The following CA8 variants were observed in gnomAD, a reference collection of about 807,000 sequenced individuals.
CA8 encodes carbonic anhydrase 8 (inactive).
In CA8, 22 loss-of-function variants were observed where a neutral mutation model predicts 41.4. The ratio of observed to expected loss-of-function variants is 0.53; its 90% CI spans 0.38 to 0.76. The LOEUF is 0.76. Among genes scored for constraint, CA8 ranks in the 30% least tolerant of loss-of-function variants. The pLI, the probability that CA8 is intolerant of heterozygous loss-of-function variation, is 0.00. For synonymous variants in CA8, 121 were observed against 130.6 expected, an observed-to-expected ratio of 0.93 and a Z score of 0.50; for missense variants, 270 against 352.8, an observed-to-expected ratio of 0.77 and a Z score of 1.88.
At position 60,189,141 on chromosome 8, in the gene CA8, C is replaced by T. The variant is rs1230244150; in HGVS notation, c.*880G>A. 3.3e-5 allele frequency: 5 copies of T among 152,074 alleles called. No homozygotes were observed. The highest frequency in any genetic ancestry group is 2.9e-5 in the Non-Finnish European group (2 of 68,002). 9.4% of individuals were successfully genotyped at this position (152,074 alleles called of 1,614,324 possible). On this transcript the variant is annotated 3_prime_UTR_variant, in exon 9 of 9. Transcript: ENST00000317995. ...GGTCATCTTTAAAGAAATGTCTTAA[C>T]ATACCAAAGTAGTGGAATCAATAGA...
rs749446493 is a variant in CA8 at position 60,208,907 on chromosome 8, G to A, written c.751C>T (p.Arg251Ter). Reference protein sequence around the residue: ...TISQLQIEEFRRLRTHVKGAE... With the variant: ...TISQLQIEEF ...CCCTTAACATGTGTCCTCAGCCTTC[G>A]AAATTCTTCTATCTGAAAATAAAAG... Residue 251 changes from arginine (R) to a stop codon, truncating the protein, a stop_gained, in exon 8 of 9, where the codon CGA becomes TGA. Transcript: ENST00000317995. LOFTEE classifies it high-confidence loss of function. 4 of 1,614,042 alleles carry A rather than the reference G, an allele frequency of 2.5e-6. No individual in the cohort carries two copies. Among genetic ancestry groups the A allele is most frequent in the Non-Finnish European group, 3.4e-6 (4 of 1,179,962 alleles).
chr8:60,231,255 A>G (rs544217259), intron 4 of CA8, among the ~76,000 whole-genome samples: 2 of 152,326 alleles, frequency 1.3e-5, no homozygotes, highest in African/African-American at 4.8e-5. Flanking sequence ...CATGAAATAA[A>G]TAGTAAGAGG....
intron 1 of CA8, among the ~76,000 whole-genome samples, chr8:60,280,240 C>G (rs1198319667): frequency 6.6e-6 from 1 of 152,184 alleles, no homozygotes; most frequent in Non-Finnish European, 1.5e-5. Context: ...ACCTGGGAAA[C>G]AGCTGTAACT....
chr8:60,279,072 A>G (rs1011745143), intron 2 of CA8, among the ~76,000 whole-genome samples: 5 of 152,144 alleles, frequency 3.3e-5, no homozygotes, highest in Non-Finnish European at 5.9e-5. Context: ...GATCCATCTC[A>G]AATAGGTTTG....
chr8:60,238,225 T>C (rs1392115635), intron 3 of CA8, among the ~76,000 whole-genome samples: 5 of 152,202 alleles, frequency 3.3e-5, no homozygotes, highest in Admixed American at 2.6e-4. Flanking sequence ...GAAGACTTCA[T>C]GGCAGCTTAA....
At chr8:60,200,755 T>A (rs989746251) in intron 8 of CA8, among the ~76,000 whole-genome samples, 1 of 152,154 alleles carries the variant, frequency 6.6e-6, no homozygotes, top group Non-Finnish European at 1.5e-5. Context: ...TCCCCATCAA[T>A]TCCATCACTC....
At chr8:60,193,915 C>T (rs753258538) in intron 8 of CA8, among the ~76,000 whole-genome samples, 1 of 152,152 alleles carries the variant, frequency 6.6e-6, no homozygotes, top group Non-Finnish European at 1.5e-5. Flanking sequence ...TAGCTTATTA[C>T]GTGGACGATA....
In CA8 at chr8:60,235,443, A is replaced by G. The variant is rs150657769; in HGVS notation, c.418-3064T>C. Among the ~76,000 whole-genome samples, 126 of 152,292 alleles carry G rather than the reference A, an allele frequency of 8.3e-4. 1 individual carries two copies. The highest frequency in any genetic ancestry group is 2.7e-3 in the African/African-American group (113 of 41,548). Reference sequence around the variant, plus strand: ...TGATGTGCTAGGAATTGGCACTTCAACATGAATTTGGCAGGGACACAATTC... The same window carrying G: ...TGATGTGCTAGGAATTGGCACTTCAGCATGAATTTGGCAGGGACACAATTC... On this transcript the variant is annotated intron_variant, in intron 3 of 8. Transcript: ENST00000317995.
chr8:60,232,243 A>G (rs776381649), intron 4 of CA8, 41 bp downstream of exon 4: 2 of 1,410,810 alleles, frequency 1.4e-6, no homozygotes, highest in Non-Finnish European at 2.0e-6. Flanking sequence ...TTTAGAAATT[A>G]GCATCTCTAA....
intron 5 of CA8, among the ~76,000 whole-genome samples, chr8:60,226,114 T>C (rs1440489065): frequency 6.6e-6 from 1 of 152,194 alleles, no homozygotes; most frequent in African/African-American, 2.4e-5. Context: ...TTAACATAAA[T>C]ACTTTGAAAT....
intron 7 of CA8, among the ~76,000 whole-genome samples, chr8:60,217,072 CAG>C: frequency 6.6e-6 from 1 of 152,142 alleles, no homozygotes; most frequent in East Asian, 1.9e-4. Context: ...TTAGTAGAGA[CAG>C]GGTTTCACCG....
chr8:60,247,617 G>A (rs1808294274), intron 3 of CA8, among the ~76,000 whole-genome samples: 1 of 152,142 alleles, frequency 6.6e-6, no homozygotes, highest in African/African-American at 2.4e-5. Context: ...AGTGTTCCAT[G>A]GTATATATGT....
At position 60,189,667 on chromosome 8, in the gene CA8, C is replaced by T. The variant is rs1275228936; in HGVS notation, c.*354G>A. 6.6e-6 allele frequency: 1 copy of T among 152,426 alleles called. No homozygotes were observed. Among genetic ancestry groups the T allele is most frequent in the Non-Finnish European group, 1.5e-5 (1 of 67,994 alleles). 9.4% of individuals were successfully genotyped at this position (152,426 alleles called of 1,614,324 possible). A position where few individuals can be genotyped will look rare whatever the true frequency, so the allele number is the denominator to read the frequency against. Reference sequence around the variant, plus strand: ...CACCGGGAATGTATTTTTCCTTTCTCAATATTAACACATGATATATATTCA... The same window carrying T: ...CACCGGGAATGTATTTTTCCTTTCTTAATATTAACACATGATATATATTCA... On this transcript the variant is annotated 3_prime_UTR_variant, in exon 9 of 9. Coordinates refer to ENST00000317995, the MANE Select transcript of CA8 (RefSeq NM_004056.6).
intron 6 of CA8, among the ~76,000 whole-genome samples, chr8:60,223,804 A>G (rs977646640): frequency 6.6e-5 from 10 of 152,238 alleles, no homozygotes; most frequent in African/African-American, 1.9e-4. Flanking sequence ...TAGAAGATAC[A>G]ATGCATCAAC....
intron 4 of CA8, among the ~76,000 whole-genome samples, chr8:60,230,555 C>A (rs1356371453): frequency 6.6e-6 from 1 of 151,982 alleles, no homozygotes; most frequent in Non-Finnish European, 1.5e-5. Context: ...ACCCGACCCC[C>A]CCGATGGATT....
chr8:60,240,852 G>C (rs1178028775), intron 3 of CA8, among the ~76,000 whole-genome samples: 1 of 151,894 alleles, frequency 6.6e-6, no homozygotes, highest in East Asian at 1.9e-4. Context: ...AGCACTCAGA[G>C]GGGGCTATAA....
intron 6 of CA8, among the ~76,000 whole-genome samples, chr8:60,224,076 CTTTG>C (rs1328148617): frequency 3.9e-5 from 6 of 152,054 alleles, no homozygotes; most frequent in African/African-American, 1.2e-4. Flanking sequence ...AAGGTTTTTT[CTTTG>C]TTTGTTCGTT....
chr8:60,245,553 G>A (rs567241519), intron 3 of CA8, among the ~76,000 whole-genome samples: 26 of 152,272 alleles, frequency 1.7e-4, no homozygotes, highest in African/African-American at 3.1e-4. Flanking sequence ...ATTATGCTTC[G>A]CTGAGATTTG....
chr8:60,195,150 A>G (rs973310479), intron 8 of CA8, among the ~76,000 whole-genome samples: 2 of 152,224 alleles, frequency 1.3e-5, no homozygotes, highest in Non-Finnish European at 2.9e-5. Context: ...CTTACTCATA[A>G]AGAGAAATTT....
Sources: allele counts gnomAD v4.1 joint callset (sites outside exome capture counted in the v4.1 genomes callset), GRCh38; gene constraint gnomAD v4.1.1; transcripts MANE v1.5; gene names NCBI Gene and HGNC (gene_info 2026-07-23, HGNC 2026-07-21).